Variants in PDS5B observed in about 807,000 individuals in gnomAD.
The protein encoded by PDS5B is sister chromatid cohesion protein PDS5 homolog B.
A neutral mutation model predicts 184.1 loss-of-function variants in PDS5B; 51 were observed. That is an observed-to-expected ratio of 0.28 (90% CI 0.22 to 0.35). PDS5B has a LOEUF of 0.35. Among genes scored for constraint, PDS5B ranks in the 10% least tolerant of loss-of-function variants. The probability of loss-of-function intolerance (pLI) is 1.00; values close to 1 mark genes in which losing one functional copy is unlikely to be tolerated. For synonymous variants in PDS5B, 566 were observed against 569.2 expected (o/e 0.99, Z 0.08); for missense variants, 1,180 against 1,723.3 (o/e 0.68, Z 5.58).
chr13:32,767,780 G>A (rs1214679807), intron 31 of PDS5B, among the ~76,000 whole-genome samples: 1 of 152,068 alleles, frequency 6.6e-6, no homozygotes, highest in South Asian at 2.1e-4. Flanking sequence ...AAGGATGAAA[G>A]TTTTTTTCAA....
intron 19 of PDS5B, among the ~76,000 whole-genome samples, chr13:32,717,778 A>G (rs946646897): frequency 2.6e-5 from 4 of 151,008 alleles, no homozygotes; most frequent in African/African-American, 9.7e-5. Flanking sequence ...TTTCAAATCT[A>G]TAAGAAACCA....
rs560531110 is a variant in PDS5B, at chr13:32,655,161, T to C, written c.313-3078T>C. Among the ~76,000 whole-genome samples, 129 of 150,828 alleles carry C rather than the reference T, an allele frequency of 8.6e-4. 2 individuals carry two copies. The highest frequency in any genetic ancestry group is 3.1e-3 in the African/African-American group (128 of 41,136). On this transcript the variant is annotated intron_variant, in intron 3 of 34. Transcript: ENST00000315596. ...TTCCCACCAGTGATGTATCAGCACT[T>C]CCTTTTCTCTGCAACCTTGCCAGCA...
At chr13:32,709,760 A>G (rs1363557911) in intron 18 of PDS5B, among the ~76,000 whole-genome samples, 186 bp from the exon 19 acceptor site, 1 of 152,274 alleles carries the variant, frequency 6.6e-6, no homozygotes, top group South Asian at 2.1e-4. Flanking sequence ...CAATCTTCCT[A>G]CAGAGGAACA....
intron 19 of PDS5B, among the ~76,000 whole-genome samples, chr13:32,720,359 G>A (rs1177338753): frequency 5.9e-5 from 9 of 152,058 alleles, no homozygotes; most frequent in Admixed American, 1.3e-4. Context: ...GGTAATATAT[G>A]CAAACTTAAA....
chr13:32,710,685 T>G (rs1303076440), intron 19 of PDS5B, among the ~76,000 whole-genome samples: 1 of 152,246 alleles, frequency 6.6e-6, no homozygotes. Flanking sequence ...TATGTATATC[T>G]CTTCTTCTAG....
chr13:32,774,328 A>G (rs893254525), intron 34 of PDS5B, among the ~76,000 whole-genome samples: 2 of 152,186 alleles, frequency 1.3e-5, no homozygotes, highest in African/African-American at 2.4e-5. Flanking sequence ...TGAATAAGCG[A>G]GTTAAGTACA....
rs201233373 is a variant in PDS5B, at chr13:32,687,158, A to C, written c.1228A>C (p.Met410Leu). Residue 410 changes from methionine to leucine, a missense_variant, in exon 12 of 35, where the codon ATG becomes CTG. By Grantham distance (15) the Met-to-Leu change is conservative. Coordinates refer to ENST00000315596, the MANE Select transcript of PDS5B (RefSeq NM_015032.4). ...GTGGAGAGTACGCAAAGAAGCCATG[A>C]TGGGACTTGCCCAAATTTATAAGAA... ...KRWRVRKEAMMGLAQIYKKYA... is the reference protein window; with the variant it reads ...KRWRVRKEAMLGLAQIYKKYA... 512 of 1,606,130 alleles carry C rather than the reference A, an allele frequency of 3.2e-4. No homozygotes were observed. Among genetic ancestry groups the C allele is most frequent in the Non-Finnish European group, 4.2e-4 (495 of 1,177,934 alleles).
rs775943945 is a variant in PDS5B, at chr13:32,770,720, A to G, written c.4131A>G (p.Arg1377=). 1 of 1,610,202 alleles carries G rather than the reference A, an allele frequency of 6.2e-7. No homozygotes were observed. The highest frequency in any genetic ancestry group is 1.1e-5 in the South Asian group (1 of 90,374). ...CCACACCACAGAAAGGACGAGGAAG[A>G]CCATCAAAAACGCCATCACCATCAC... ...TQSTPQKGRG[R]PSKTPSPSQP... is the part of the protein sequence containing the mutation. Residue 1377 remains arginine (R), a synonymous_variant, in exon 33 of 35, where the codon AGA becomes AGG. Coordinates refer to ENST00000315596, the MANE Select transcript of PDS5B (RefSeq NM_015032.4).
At chr13:32,748,769 C>CT (rs1953857082) in intron 24 of PDS5B, among the ~76,000 whole-genome samples, 1 of 151,894 alleles carries the variant, frequency 6.6e-6, no homozygotes, top group Admixed American at 6.6e-5. Flanking sequence ...CATGAAGAGC[C>CT]TATATAAGTG....
At chr13:32,643,412 T>C (rs1235554912) in intron 1 of PDS5B, among the ~76,000 whole-genome samples, 1 of 152,172 alleles carries the variant, frequency 6.6e-6, no homozygotes, top group Non-Finnish European at 1.5e-5. Context: ...GTATATGGTG[T>C]GAAATATAGG....
At chr13:32,662,719 T>C (rs1053783579) in intron 6 of PDS5B, among the ~76,000 whole-genome samples, 1 of 152,010 alleles carries the variant, frequency 6.6e-6, no homozygotes, top group African/African-American at 2.4e-5. Context: ...AATAAAAACA[T>C]GAGAATAAAC....
At chr13:32,732,883 T>C (rs1593548603) in intron 20 of PDS5B, among the ~76,000 whole-genome samples, 1 of 152,130 alleles carries the variant, frequency 6.6e-6, no homozygotes. Context: ...CAAAACAATT[T>C]AGAAATTATT....
intron 13 of PDS5B, among the ~76,000 whole-genome samples, chr13:32,693,824 T>C (rs1275042588): frequency 6.6e-6 from 1 of 151,680 alleles, no homozygotes; most frequent in African/African-American, 2.4e-5. Context: ...TATTCACTTA[T>C]AAATAATTCC....
chr13:32,639,587 G>GT (rs1482449377), intron 1 of PDS5B, among the ~76,000 whole-genome samples: 1 of 151,978 alleles, frequency 6.6e-6, no homozygotes, highest in Non-Finnish European at 1.5e-5. Context: ...TTTACTTAGC[G>GT]TTTTTTCTCG....
At chr13:32,771,966 T>C (rs970483705) in intron 33 of PDS5B, among the ~76,000 whole-genome samples, 12 of 151,942 alleles carry the variant, frequency 7.9e-5, no homozygotes, top group Admixed American at 2.0e-4. Context: ...AAAATTGATA[T>C]GGAAGAAGAT....
intron 15 of PDS5B, among the ~76,000 whole-genome samples, chr13:32,698,685 C>G (rs946063011): frequency 7.2e-5 from 11 of 151,946 alleles, no homozygotes; most frequent in African/African-American, 2.7e-4. Flanking sequence ...AACTTGAAGA[C>G]TACATTTACT....
Position 32,608,947 on chromosome 13 carries a change from T to G in PDS5B, c.-20+22354T>G, listed in dbSNP as rs568612304. ...TACTGCTTCACTTTTGTCTTCTAAA[T>G]TTCATGGAAATTTCTTTTGAGGCGA... On this transcript the variant is annotated intron_variant, in intron 1 of 34. Transcript: ENST00000315596. Among the ~76,000 whole-genome samples, 7 of 152,328 alleles carry G rather than the reference T, an allele frequency of 4.6e-5. No homozygotes were observed. In the South Asian group the frequency reaches 1.5e-3, roughly 32 times the overall value.
chr13:32,728,406 G>A (rs1313508333), intron 19 of PDS5B, among the ~76,000 whole-genome samples: 1 of 151,778 alleles, frequency 6.6e-6, no homozygotes, highest in Non-Finnish European at 1.5e-5. Flanking sequence ...GGAATTTTTT[G>A]TCTTACTGCT....
At chr13:32,662,460 G>A (rs1950676475) in intron 6 of PDS5B, among the ~76,000 whole-genome samples, 1 of 151,752 alleles carries the variant, frequency 6.6e-6, no homozygotes, top group African/African-American at 2.4e-5. Flanking sequence ...TTAACAGAAA[G>A]AAGCAAATTC....
Sources: allele counts gnomAD v4.1 joint callset (sites outside exome capture counted in the v4.1 genomes callset), GRCh38; gene constraint gnomAD v4.1.1; transcripts MANE v1.5; gene names NCBI Gene and HGNC (gene_info 2026-07-23, HGNC 2026-07-21).